The following NAV3 variants were observed in gnomAD, a reference collection of about 807,000 sequenced individuals.
NAV3 encodes neuron navigator 3.
A neutral mutation model predicts 244.7 loss-of-function variants in NAV3; 87 were observed. The ratio of observed to expected loss-of-function variants is 0.36; its 90% CI spans 0.30 to 0.42. NAV3 has a LOEUF of 0.42. Among genes scored for constraint, NAV3 ranks in the 20% least tolerant of loss-of-function variants. The pLI is 1.00. For missense variants in NAV3, 2,663 were observed against 2,893.3 expected (o/e 0.92, Z 1.83); for synonymous variants, 1,126 against 1,042.2 (o/e 1.08, Z -1.55).
At chr12:78,025,128 G>C (rs1877808574) in intron 9 of NAV3, among the ~76,000 whole-genome samples, 1 of 152,072 alleles carries the variant, frequency 6.6e-6, no homozygotes, top group African/African-American at 2.4e-5. Context: ...TTCTCCACTG[G>C]AACTGCTCTT....
At chr12:77,655,288 C>T (rs1228439672) in intron 2 of NAV3, among the ~76,000 whole-genome samples, 1 of 152,068 alleles carries the variant, frequency 6.6e-6, no homozygotes. Flanking sequence ...AAAGCCAAGG[C>T]TCGAGAACTA....
At position 77,947,787 on chromosome 12, in the gene NAV3, A is replaced by G. The variant is rs7308570; in HGVS notation, c.414+6654A>G. ...ATAAACTACTAGTATCAGGGAATTT[A>G]TATGTAAGTTATTAGAATATCACCT... On this transcript the variant is annotated intron_variant, in intron 3 of 39. Transcript: ENST00000397909. Among the ~76,000 whole-genome samples the G allele has an allele frequency of 3.7e-3, 560 of 152,184 alleles. 1 individual carries two copies. Among genetic ancestry groups the G allele is most frequent in the African/African-American group, 0.013 (527 of 41,562 alleles).
At chr12:78,171,032 T>C (rs867051789) in intron 24 of NAV3, among the ~76,000 whole-genome samples, 2 of 151,770 alleles carry the variant, frequency 1.3e-5, no homozygotes, top group Non-Finnish European at 2.9e-5. Flanking sequence ...AACAGGGGTT[T>C]ATTTGAATTT....
chr12:77,640,167 A>G (rs145673911), intron 2 of NAV3, among the ~76,000 whole-genome samples: 1,937 of 152,272 alleles, frequency 0.013, 16 homozygotes, highest in Middle Eastern at 0.034. Context: ...AGAAAAGTAG[A>G]AGATTGTAAT....
intron 3 of NAV3, among the ~76,000 whole-genome samples, chr12:77,961,305 T>TATTACACATATACATATATGTAATATAA (rs1891939569): frequency 7.6e-6 from 1 of 131,106 alleles, no homozygotes; most frequent in Non-Finnish European, 1.6e-5. Flanking sequence ...CACATATGTA[T>TATTACACATATACATATATGTAATATAA]ATATTACACA....
intron 2 of NAV3, among the ~76,000 whole-genome samples, chr12:77,642,035 A>T (rs1465214617): frequency 6.6e-6 from 1 of 152,068 alleles, no homozygotes; most frequent in Non-Finnish European, 1.5e-5. Flanking sequence ...ATTTGAGGGA[A>T]ATAGTTTAGT....
chr12:78,074,417 T>C (rs919988912), intron 12 of NAV3, among the ~76,000 whole-genome samples: 9 of 152,008 alleles, frequency 5.9e-5, no homozygotes, highest in Non-Finnish European at 1.0e-4. Context: ...AAAGACATGA[T>C]GTAGCCAGGC....
chr12:77,912,688 T>C (rs964291451), intron 1 of NAV3, among the ~76,000 whole-genome samples: 2 of 152,118 alleles, frequency 1.3e-5, no homozygotes, highest in Non-Finnish European at 2.9e-5. Context: ...TAGAGTGCAA[T>C]GGTGCGATCT....
chr12:77,960,729 CAT>C (rs892110476), intron 3 of NAV3, among the ~76,000 whole-genome samples: 3 of 146,772 alleles, frequency 2.0e-5, no homozygotes, highest in Admixed American at 6.9e-5. Flanking sequence ...ATATCATACA[CAT>C]ATGTATCATG....
chr12:77,652,673 T>G (rs1872880842), intron 2 of NAV3, among the ~76,000 whole-genome samples: 2 of 152,196 alleles, frequency 1.3e-5, no homozygotes, highest in South Asian at 4.1e-4. Flanking sequence ...TAATAATCCT[T>G]GATTTTGGAA....
intron 5 of NAV3, among the ~76,000 whole-genome samples, chr12:77,991,621 A>G (rs982636198): frequency 1.3e-5 from 2 of 152,204 alleles, no homozygotes; most frequent in Non-Finnish European, 2.9e-5. Context: ...GGGTATTCCC[A>G]TAGGAGTTAT....
intron 13 of NAV3, 62 bp from the exon 14 acceptor site, chr12:78,117,965 C>G (rs2138558355): frequency 7.0e-7 from 1 of 1,422,486 alleles, no homozygotes; most frequent in South Asian, 1.6e-5. Context: ...CATTTCATTG[C>G]CTTAATTCAT....
intron 2 of NAV3, among the ~76,000 whole-genome samples, chr12:77,771,585 T>C (rs966491714): frequency 3.9e-5 from 6 of 152,120 alleles, no homozygotes; most frequent in Non-Finnish European, 8.8e-5. Context: ...TATGCAGCCA[T>C]AAAAATGATG....
intron 28 of NAV3, among the ~76,000 whole-genome samples, chr12:78,178,553 T>A (rs1958357855): frequency 6.6e-6 from 1 of 152,092 alleles, no homozygotes. Context: ...TGTGGGGGAC[T>A]ACTGTACAAG....
intron 22 of NAV3, among the ~76,000 whole-genome samples, chr12:78,150,429 C>T (rs1357836948): frequency 1.3e-5 from 2 of 151,844 alleles, no homozygotes; most frequent in Non-Finnish European, 2.9e-5. Context: ...TGATACTTTC[C>T]ATTTGAAATG....
chr12:77,714,783 T>C (rs1406380765), intron 2 of NAV3, among the ~76,000 whole-genome samples: 1 of 152,152 alleles, frequency 6.6e-6, no homozygotes, highest in Non-Finnish European at 1.5e-5. Flanking sequence ...ATTCCTTTTA[T>C]ACAGTATCTC....
Position 78,177,192 on chromosome 12 carries a change from CCTT to C in NAV3, c.5178_5180del (p.Ser1728del), listed in dbSNP as rs1958267450. 2 of 1,613,378 alleles carry C rather than the reference CCTT, an allele frequency of 1.2e-6. No homozygotes were observed. Among genetic ancestry groups the C allele is most frequent in the Non-Finnish European group, 1.7e-6 (2 of 1,179,612 alleles). Reference sequence around the variant, plus strand: ...TGGGAAGAAAAAGTCCACCAAGCCTCCTTCATCACATTCTGACATTGAAGAGCT... The same window carrying C: ...TGGGAAGAAAAAGTCCACCAAGCCTCCATCACATTCTGACATTGAAGAGCT... On this transcript the variant is annotated inframe_deletion, in exon 27 of 40. Transcript: ENST00000397909.
At chr12:78,043,093 C>T (rs9705569) in intron 9 of NAV3, among the ~76,000 whole-genome samples, 8,466 of 152,062 alleles carry the variant, frequency 0.056, 690 homozygotes, top group African/African-American at 0.18. Flanking sequence ...GATCCCCCCA[C>T]CCACCAACAG....
chr12:77,831,653 T>G lies in NAV3; in HGVS notation c.192T>G (p.Phe64Leu). The change falls in exon 1 of 40, where the codon TTT becomes TTG. Residue 64 changes from phenylalanine to leucine, a missense_variant. Physicochemically the swap from Phe to Leu is conservative, Grantham distance 22. Transcript: ENST00000397909. ...TTGCGTTAAAATCAACCTGTGAATT[T>G]GGAGAGAAGAAACCCCTCCAAGGAA... is the stretch of plus-strand genomic sequence containing the variant. ...CQLALKSTCE[F>L]GEKKPLQGKA... 3.1e-6 allele frequency: 5 copies of G among 1,613,876 alleles called. No individual in the cohort carries two copies. Among genetic ancestry groups the G allele is most frequent in the Non-Finnish European group, 4.2e-6 (5 of 1,179,914 alleles).
Sources: gnomAD v4.1 joint callset for allele counts (sites outside exome capture counted in the v4.1 genomes callset) on GRCh38, gnomAD v4.1.1 for gene constraint, MANE v1.5 for transcripts, NCBI Gene and HGNC (gene_info 2026-07-23, HGNC 2026-07-21) for gene names.